The following MSRA variants were observed in gnomAD, a reference collection of about 807,000 sequenced individuals.
The protein encoded by MSRA is mitochondrial peptide methionine sulfoxide reductase.
MSRA carries 54 observed loss-of-function variants against 31.3 expected under a neutral mutation model. The observed-to-expected ratio is 1.73, with a 90% confidence interval of 1.39 to 2.17. MSRA has a LOEUF of 2.17. Ranked by LOEUF, MSRA falls within the 30% of genes most tolerant of loss-of-function variation. The pLI, the probability that MSRA is intolerant of heterozygous loss-of-function variation, is 0.00. For synonymous variants in MSRA, 169 were observed against 116.5 expected, an observed-to-expected ratio of 1.45 and a Z score of -2.90; for missense variants, 507 against 300.9, an observed-to-expected ratio of 1.69 and a Z score of -5.07.
At chr8:10,206,585 C>G (rs1261440303) in intron 1 of MSRA, among the ~76,000 whole-genome samples, 2 of 152,208 alleles carry the variant, frequency 1.3e-5, no homozygotes, top group African/African-American at 4.8e-5. Context: ...AAAATAGCAC[C>G]TCCACTGCAC....
Position 10,152,266 on chromosome 8 carries a change from C to T in MSRA, c.143-55567C>T, listed in dbSNP as rs940892234. On this transcript the variant is annotated intron_variant, in intron 1 of 5. Transcript: ENST00000317173. ...AAAAACATATATAAACACATGTATACGTATGTATATATAAATAAAATTGGA... is the reference window on the plus strand; with the variant it reads ...AAAAACATATATAAACACATGTATATGTATGTATATATAAATAAAATTGGA... Among the ~76,000 whole-genome samples, 13 of 152,048 alleles carry T rather than the reference C, an allele frequency of 8.5e-5. No individual in the cohort carries two copies. The East Asian group carries it at 9.7e-4, about 11-fold the overall frequency.
intron 5 of MSRA, among the ~76,000 whole-genome samples, chr8:10,320,688 C>G (rs1444500145): frequency 6.6e-6 from 1 of 152,152 alleles, no homozygotes. Flanking sequence ...TATTTTCTCA[C>G]AATTCTGGAG....
At chr8:10,250,552 C>A (rs1203303203) in intron 3 of MSRA, 1 of 687,534 alleles carries the variant, frequency 1.5e-6, no homozygotes, top group African/African-American at 1.8e-5. Context: ...ACACAAGCAG[C>A]ACGGGAAATC....
intron 1 of MSRA, among the ~76,000 whole-genome samples, chr8:10,132,345 G>A (rs769472060): frequency 1.7e-4 from 26 of 152,304 alleles, no homozygotes; most frequent in Admixed American, 1.2e-3. Flanking sequence ...TCTCTGAAGC[G>A]TGTTTGACTC....
intron 5 of MSRA, among the ~76,000 whole-genome samples, chr8:10,333,859 A>G (rs1221807387): frequency 6.6e-6 from 1 of 152,000 alleles, no homozygotes; most frequent in African/African-American, 2.4e-5. Flanking sequence ...CTGTGGCAAC[A>G]TTCCATGAGC....
chr8:10,241,989 C>T (rs924080844), intron 2 of MSRA, among the ~76,000 whole-genome samples: 2 of 152,146 alleles, frequency 1.3e-5, no homozygotes, highest in African/African-American at 4.8e-5. Flanking sequence ...GACTTAAAGA[C>T]AGCCGGATGT....
chr8:10,244,022 A>C (rs560414861), intron 2 of MSRA, among the ~76,000 whole-genome samples: 2 of 152,278 alleles, frequency 1.3e-5, no homozygotes, highest in East Asian at 3.9e-4. Flanking sequence ...TTTAGAGTAG[A>C]ATATTAAAGA....
intron 1 of MSRA, among the ~76,000 whole-genome samples, chr8:10,161,456 G>A (rs900353208): frequency 8.5e-5 from 13 of 152,306 alleles, no homozygotes; most frequent in African/African-American, 2.6e-4. Context: ...CCATAGAAGC[G>A]CTAAGTAGGG....
chr8:10,282,173 C>G lies in MSRA; in HGVS notation c.332-19361C>G, dbSNP rs116072421. Among the ~76,000 whole-genome samples, 557 of 152,230 alleles carry G rather than the reference C, an allele frequency of 3.7e-3. 3 individuals are homozygous for G. Among genetic ancestry groups the G allele is most frequent in the African/African-American group, 0.013 (541 of 41,536 alleles). On this transcript the variant is annotated intron_variant, in intron 3 of 5. Coordinates refer to ENST00000317173, the MANE Select transcript of MSRA (RefSeq NM_012331.5). ...TCAAAAACCTTTCATCCACAAAAGC[C>G]AACAAGTTTTATAAACATTCTCCTC...
intron 1 of MSRA, among the ~76,000 whole-genome samples, chr8:10,163,849 G>A (rs1203114127): frequency 6.6e-6 from 1 of 152,232 alleles, no homozygotes; most frequent in Non-Finnish European, 1.5e-5. Context: ...ACAGACCAGT[G>A]TGGCCCCTCC....
chr8:10,067,204 C>G (rs1007550405), intron 1 of MSRA, among the ~76,000 whole-genome samples: 6 of 152,152 alleles, frequency 3.9e-5, no homozygotes, highest in Non-Finnish European at 5.9e-5. Context: ...CCCTTGCAAC[C>G]ACTGAACTTT....
At chr8:10,399,724 G>T (rs1001209503) in intron 5 of MSRA, among the ~76,000 whole-genome samples, 2 of 152,148 alleles carry the variant, frequency 1.3e-5, no homozygotes, top group Non-Finnish European at 2.9e-5. Flanking sequence ...ATATAGGAGG[G>T]TGCAATGGAT....
At chr8:10,057,912 AAC>A (rs1802486302) in intron 1 of MSRA, among the ~76,000 whole-genome samples, 1 of 152,244 alleles carries the variant, frequency 6.6e-6, no homozygotes, top group Non-Finnish European at 1.5e-5. Flanking sequence ...AAAACAGACT[AAC>A]ACAAAGGCCG....
intron 2 of MSRA, among the ~76,000 whole-genome samples, chr8:10,211,343 C>T (rs957311573): frequency 1.3e-5 from 2 of 152,144 alleles, no homozygotes; most frequent in African/African-American, 4.8e-5. Context: ...TTCTCCTGGT[C>T]TCCTTTTCTC....
chr8:10,333,366 C>T (rs1312653898), intron 5 of MSRA, among the ~76,000 whole-genome samples: 2 of 152,126 alleles, frequency 1.3e-5, no homozygotes, highest in African/African-American at 4.8e-5. Flanking sequence ...GTTTGAAGCC[C>T]ACAATTTCCT....
chr8:10,221,273 T>A (rs939817351), intron 2 of MSRA, among the ~76,000 whole-genome samples: 2 of 152,186 alleles, frequency 1.3e-5, no homozygotes, highest in Admixed American at 1.3e-4. Context: ...CTGTGAAGGT[T>A]TTGGTAACTG....
chr8:10,202,138 G>A (rs1049441959), intron 1 of MSRA, among the ~76,000 whole-genome samples: 20 of 152,282 alleles, frequency 1.3e-4, no homozygotes, highest in African/African-American at 4.8e-4. Context: ...ATTTGTAAAT[G>A]GTGGGTTAGG....
chr8:10,236,840 C>T (rs547130606), intron 2 of MSRA, among the ~76,000 whole-genome samples: 1 of 152,322 alleles, frequency 6.6e-6, no homozygotes, highest in East Asian at 1.9e-4. Flanking sequence ...GCCACCATGT[C>T]TGGCCAAATG....
intron 1 of MSRA, among the ~76,000 whole-genome samples, chr8:10,165,632 A>T (rs28480437): frequency 0.011 from 1,634 of 152,248 alleles, 32 homozygotes; most frequent in African/African-American, 0.037. Context: ...AAAAGCCATG[A>T]TATCTCTGTA....
Sources: allele counts gnomAD v4.1 joint callset (sites outside exome capture counted in the v4.1 genomes callset), GRCh38; gene constraint gnomAD v4.1.1; transcripts MANE v1.5; gene names NCBI Gene and HGNC (gene_info 2026-07-23, HGNC 2026-07-21).